SH3YL1: variants seen among roughly 807,000 people sequenced by gnomAD.
The protein encoded by SH3YL1 is SH3 and SYLF domain containing 1.
Under a neutral mutation model 45.8 loss-of-function variants are expected in SH3YL1, and 41 were observed. That is an observed-to-expected ratio of 0.89 (90% CI 0.70 to 1.16). SH3YL1 has a LOEUF of 1.16. SH3YL1 is among the 50% of genes most tolerant of loss of function. The pLI is 0.00. For missense variants in SH3YL1, 389 were observed against 409.6 expected, an observed-to-expected ratio of 0.95 and a Z score of 0.43; for synonymous variants, 152 against 151.4, an observed-to-expected ratio of 1.00 and a Z score of -0.03.
chr2:253,608 C>G (rs1447948200), intron 1 of SH3YL1, among the ~76,000 whole-genome samples: 1 of 152,188 alleles, frequency 6.6e-6, no homozygotes. Flanking sequence ...CCAGAAAACT[C>G]ACGAATAATC....
chr2:247,450 C>T (rs781311868), intron 4 of SH3YL1, 88 bp downstream of exon 4: 28 of 1,042,512 alleles, frequency 2.7e-5, no homozygotes, highest in South Asian at 9.4e-5. Context: ...ACAATAAGAA[C>T]GCTAGGAAAC....
intron 2 of SH3YL1, among the ~76,000 whole-genome samples, chr2:252,196 C>T (rs1360841100): frequency 6.6e-6 from 1 of 152,142 alleles, no homozygotes; most frequent in East Asian, 1.9e-4. Context: ...AAGAACTGTG[C>T]CTTTATGGTC....
At chr2:246,249 C>T (rs1228904710) in intron 4 of SH3YL1, among the ~76,000 whole-genome samples, 1 of 151,732 alleles carries the variant, frequency 6.6e-6, no homozygotes, top group East Asian at 1.9e-4. Flanking sequence ...CTATAAAATG[C>T]TTAAAGTCTT....
intron 1 of SH3YL1, 47 bp from the exon 2 acceptor site, chr2:253,162 A>G (rs1409655865): frequency 9.4e-7 from 1 of 1,062,610 alleles, no homozygotes; most frequent in Non-Finnish European, 1.4e-6. Context: ...TGCTAAATAG[A>G]AGTGAGAAAT....
rs1230768785 is a variant in SH3YL1, at chr2:264,021, G to T, written c.-37C>A. On this transcript the variant is annotated 5_prime_UTR_variant, in exon 1 of 10. Coordinates refer to ENST00000356150, the MANE Select transcript of SH3YL1 (RefSeq NM_015677.4). ...GGCCGCGGCGCCCCGTCCCGAGGCT[G>T]CCCAGGAAGAGGAAGGCGCGCTGCC... 2 of 1,413,168 alleles carry T rather than the reference G, an allele frequency of 1.4e-6. No individual in the cohort carries two copies. The highest frequency in any genetic ancestry group is 1.5e-5 in the African/African-American group (1 of 66,372). The allele number at this position is 1,413,168 out of a possible 1,614,324, so 87.5% of individuals were successfully genotyped here.
chr2:228,745 G>A (rs1283733647), intron 8 of SH3YL1, among the ~76,000 whole-genome samples: 1 of 152,152 alleles, frequency 6.6e-6, no homozygotes, highest in Non-Finnish European at 1.5e-5. Context: ...GAGGCAGGTT[G>A]GTAATGAGGA....
chr2:243,073 A>G (rs1342320601), intron 4 of SH3YL1, among the ~76,000 whole-genome samples: 4 of 152,218 alleles, frequency 2.6e-5, no homozygotes, highest in African/African-American at 9.6e-5. Flanking sequence ...TTTAACAAAA[A>G]TAGCTCGATG....
chr2:224,884 G>T lies in SH3YL1; in HGVS notation c.818C>A (p.Ser273Tyr). The change falls in exon 9 of 10, where the codon TCC becomes TAC. Residue 273 changes from serine (S) to tyrosine (Y), a missense_variant. By Grantham distance (144) the Ser-to-Tyr change is moderately radical. Coordinates refer to ENST00000356150, the MANE Select transcript of SH3YL1 (RefSeq NM_015677.4). The part of the protein sequence containing the change: ...RNEYKLYPGL[S>Y]SYHERVGNLN... ...TTTACCAACTCTCTCATGATAGCTG[G>T]AAAGTCCAGGATAGAGCTTATATTC... 6.2e-7 allele frequency: 1 copy of T among 1,610,686 alleles called. No homozygotes were observed. The highest frequency in any genetic ancestry group is 8.5e-7 in the Non-Finnish European group (1 of 1,176,928).
intron 9 of SH3YL1, among the ~76,000 whole-genome samples, chr2:219,985 C>A (rs1047588219): frequency 6.6e-6 from 1 of 151,906 alleles, no homozygotes; most frequent in Non-Finnish European, 1.5e-5. Context: ...GAGCAGTTAA[C>A]ATGAATAAAG....
chr2:220,379 T>C (rs1307320503), intron 9 of SH3YL1, among the ~76,000 whole-genome samples: 1 of 152,072 alleles, frequency 6.6e-6, no homozygotes, highest in Non-Finnish European at 1.5e-5. Flanking sequence ...ATAATTACAC[T>C]AGAGATAATA....
chr2:252,994 T>A lies in SH3YL1; in HGVS notation c.112+11A>T. On this transcript the variant is annotated intron_variant, in intron 2 of 9. Coordinates refer to ENST00000356150, the MANE Select transcript of SH3YL1 (RefSeq NM_015677.4). ...ATTTAGAGACAAACAGCACTCATCC[T>A]ATTTACCTACCAGGAATGATCTTAT... 1 of 1,462,742 alleles carries A rather than the reference T, an allele frequency of 6.8e-7. No individual in the cohort carries two copies. The highest frequency in any genetic ancestry group is 9.4e-7 in the Non-Finnish European group (1 of 1,067,980). The allele number at this position is 1,462,742 out of a possible 1,614,324, so 90.6% of individuals were successfully genotyped here.
chr2:243,463 A>T lies in SH3YL1; in HGVS notation c.291+4075T>A, dbSNP rs530485944. On this transcript the variant is annotated intron_variant, in intron 4 of 9. Transcript: ENST00000356150. The stretch of plus-strand genomic sequence containing the variant: ...AAGAAGAAATCACATGAGAAATTAG[A>T]TAATATTTTGAGATTAAGGAAAATG... 22 of 1,484,340 alleles carry T rather than the reference A, an allele frequency of 1.5e-5. No homozygotes were observed. The South Asian group carries it at 3.0e-4, about 21-fold the overall frequency. The allele number at this position is 1,484,340 out of a possible 1,614,324, so 91.9% of individuals were successfully genotyped here. A position where few individuals can be genotyped will look rare whatever the true frequency, so the allele number is the denominator to read the frequency against.
rs568084228 is a variant in SH3YL1, at chr2:251,052, T to C, written c.113-1208A>G. Among the ~76,000 whole-genome samples, 8 of 152,324 alleles carry C rather than the reference T, an allele frequency of 5.3e-5. No homozygotes were observed. In the South Asian group the frequency reaches 1.0e-3, roughly 20 times the overall value. ...GCTTCTAGAGTTGCTATTGCCCCTATTGGGAATATTAGATATTAACAAAAG... is the reference window on the plus strand; with the variant it reads ...GCTTCTAGAGTTGCTATTGCCCCTACTGGGAATATTAGATATTAACAAAAG... On this transcript the variant is annotated intron_variant, in intron 2 of 9. Coordinates refer to ENST00000356150, the MANE Select transcript of SH3YL1 (RefSeq NM_015677.4).
chr2:226,717 G>A (rs1572143220), intron 8 of SH3YL1, among the ~76,000 whole-genome samples: 1 of 152,138 alleles, frequency 6.6e-6, no homozygotes, highest in Non-Finnish European at 1.5e-5. Flanking sequence ...TGTCTGGTGG[G>A]AAGCCTATAT....
intron 1 of SH3YL1, chr2:263,733 G>C: frequency 2.2e-6 from 1 of 456,960 alleles, no homozygotes; most frequent in Non-Finnish European, 3.9e-6. Context: ...CACGACCATC[G>C]TCATCATTCC....
chr2:250,499 TA>T (rs2103048745), intron 2 of SH3YL1, among the ~76,000 whole-genome samples: 1 of 152,354 alleles, frequency 6.6e-6, no homozygotes, highest in South Asian at 2.1e-4. Context: ...GTTCATTACA[TA>T]AAATGAGGGT....
chr2:243,452 T>C, intron 4 of SH3YL1: 1 of 1,461,160 alleles, frequency 6.8e-7, no homozygotes, highest in Non-Finnish European at 9.1e-7. Context: ...AGAAATCACA[T>C]GAGAAATTAG....
At chr2:225,032 G>C (rs1667735369) in intron 8 of SH3YL1, 112 bp from the exon 9 acceptor site, 3 of 785,220 alleles carry the variant, frequency 3.8e-6, no homozygotes, top group Non-Finnish European at 6.7e-6. Context: ...AAATCACTAA[G>C]TTGATAGGAT....
intron 1 of SH3YL1, among the ~76,000 whole-genome samples, chr2:257,078 C>G (rs534561957): frequency 1.3e-5 from 2 of 151,960 alleles, no homozygotes; most frequent in African/African-American, 4.8e-5. Flanking sequence ...TATACTTTAA[C>G]GGAGTTGTTT....
Sources: allele counts gnomAD v4.1 joint callset (sites outside exome capture counted in the v4.1 genomes callset), GRCh38; gene constraint gnomAD v4.1.1; transcripts MANE v1.5; gene names NCBI Gene and HGNC (gene_info 2026-07-23, HGNC 2026-07-21).